Variants in GTF2H1 observed in about 807,000 individuals in gnomAD.
The protein encoded by GTF2H1 is BTF2 p62.
In GTF2H1, 16 loss-of-function variants were observed where a neutral mutation model predicts 71.2. That is an observed-to-expected ratio of 0.22 (90% CI 0.15 to 0.34). The LOEUF is 0.34. Among genes scored for constraint, GTF2H1 ranks in the 10% least tolerant of loss-of-function variants. GTF2H1 has a pLI of 1.00. For missense variants in GTF2H1, 498 were observed against 648.2 expected (o/e 0.77, Z 2.52); for synonymous variants, 215 against 219.0 (o/e 0.98, Z 0.16).
chr11:18,326,102 T>C (rs1055147330), intron 1 of GTF2H1: 1 of 152,200 alleles, frequency 6.6e-6, no homozygotes, highest in Non-Finnish European at 1.5e-5. Flanking sequence ...ACCAGGAAAA[T>C]TTACCAGGCA....
chr11:18,360,807 CTTT>C (rs370660216), intron 14 of GTF2H1, 100 bp downstream of exon 14: 1,515 of 508,728 alleles, frequency 3.0e-3, no homozygotes, highest in Middle Eastern at 3.6e-3. Flanking sequence ...ACTTAATTTT[CTTT>C]TTTTTTTTTT....
chr11:18,324,097 C>G (rs558964284), intron 1 of GTF2H1: 2 of 152,134 alleles, frequency 1.3e-5, no homozygotes, highest in African/African-American at 2.4e-5. Flanking sequence ...GTTGCCCAGG[C>G]TGGAGTGCAA....
intron 11 of GTF2H1, among the ~76,000 whole-genome samples, chr11:18,357,482 T>C (rs1208189913): frequency 6.6e-6 from 1 of 152,166 alleles, no homozygotes; most frequent in Non-Finnish European, 1.5e-5. Context: ...CTCAGGAGGC[T>C]GAGGGAGGAG....
intron 11 of GTF2H1, among the ~76,000 whole-genome samples, chr11:18,353,328 GCCTTTGTCT>G: frequency 6.6e-6 from 1 of 152,198 alleles, no homozygotes; most frequent in Non-Finnish European, 1.5e-5. Context: ...TAGTCTGAGT[GCCTTTGTCT>G]GGCCTGCAAA....
At chr11:18,354,586 C>T (rs892935218) in intron 11 of GTF2H1, among the ~76,000 whole-genome samples, 2 of 152,140 alleles carry the variant, frequency 1.3e-5, no homozygotes, top group African/African-American at 4.8e-5. Flanking sequence ...CATGTGTCAC[C>T]ACACAACAAA....
At chr11:18,355,300 G>T (rs1007540437) in intron 11 of GTF2H1, among the ~76,000 whole-genome samples, 2 of 151,224 alleles carry the variant, frequency 1.3e-5, no homozygotes, top group Non-Finnish European at 2.9e-5. Flanking sequence ...CCGCCACCAC[G>T]CCTGGCTAAT....
chr11:18,336,369 C>G (rs1014633870), intron 3 of GTF2H1, among the ~76,000 whole-genome samples: 2 of 152,042 alleles, frequency 1.3e-5, no homozygotes, highest in Non-Finnish European at 2.9e-5. Context: ...CGCCAGTGAT[C>G]CACCCACCTC....
At chr11:18,334,712 G>C (rs1864983851) in intron 2 of GTF2H1, among the ~76,000 whole-genome samples, 1 of 152,290 alleles carries the variant, frequency 6.6e-6, no homozygotes, top group African/African-American at 2.4e-5. Context: ...AATTGATTTA[G>C]TTCTTATCAT....
intron 9 of GTF2H1, chr11:18,348,252 AG>A (rs1393180121): frequency 2.5e-6 from 1 of 398,102 alleles, no homozygotes; most frequent in Non-Finnish European, 4.4e-6. Flanking sequence ...GCAATATGAC[AG>A]AAAAACCGAA....
intron 12 of GTF2H1, 43 bp downstream of exon 12, chr11:18,358,085 C>T (rs1865605494): frequency 7.6e-7 from 1 of 1,318,158 alleles, no homozygotes; most frequent in Admixed American, 1.8e-5. Context: ...CCTAAATCAG[C>T]TTTAAAAAGC....
intron 12 of GTF2H1, 69 bp from the exon 13 acceptor site, chr11:18,358,456 G>T (rs1047192855): frequency 6.1e-6 from 5 of 813,066 alleles, no homozygotes; most frequent in Non-Finnish European, 1.0e-5. Flanking sequence ...TTCTCTGAGT[G>T]GTCATTTTTT....
intron 7 of GTF2H1, among the ~76,000 whole-genome samples, chr11:18,343,285 A>G (rs894403515): frequency 6.6e-6 from 1 of 152,208 alleles, no homozygotes; most frequent in African/African-American, 2.4e-5. Flanking sequence ...CTTGCCTTAT[A>G]GGATTTCTAT....
intron 7 of GTF2H1, among the ~76,000 whole-genome samples, chr11:18,343,371 G>A (rs183878622): frequency 6.6e-6 from 1 of 152,198 alleles, no homozygotes; most frequent in Non-Finnish European, 1.5e-5. Context: ...TTAGATGCCT[G>A]CATAGTATTC....
intron 13 of GTF2H1, among the ~76,000 whole-genome samples, chr11:18,360,275 A>G (rs1865665009): frequency 2.6e-5 from 4 of 152,056 alleles, no homozygotes; most frequent in Admixed American, 2.6e-4. Context: ...GGCGTGTGCC[A>G]CCACGCCCAG....
intron 8 of GTF2H1, 47 bp from the exon 9 acceptor site, chr11:18,347,785 T>C: frequency 6.3e-7 from 1 of 1,594,732 alleles, no homozygotes; most frequent in Non-Finnish European, 8.6e-7. Context: ...TGGTGTTGTT[T>C]TGCTTGTGGT....
Position 18,335,962 on chromosome 11 carries a change from T to C in GTF2H1, c.347+16T>C. ...AGAAGAACAGGTGGGAGGAAAAGAA[T>C]AGCCTTTTGAAAGAGATACTGGGTT... On this transcript the variant is annotated intron_variant, in intron 3 of 14. Transcript: ENST00000265963. 1 of 1,599,706 alleles carries C rather than the reference T, an allele frequency of 6.3e-7. No individual in the cohort carries two copies. The highest frequency in any genetic ancestry group is 1.1e-5 in the South Asian group (1 of 90,416).
chr11:18,338,113 C>T lies in GTF2H1; in HGVS notation c.352C>T (p.Leu118=). The change falls in exon 4 of 15, where the codon CTG becomes TTG. Residue 118 remains leucine, a synonymous_variant. Coordinates refer to ENST00000265963, the MANE Select transcript of GTF2H1 (RefSeq NM_005316.4). ...TCAGTATATTCTGCTTTACAGAATGCTGCAAGAAGATCCTGTTTTGTTTCA... is the reference window on the plus strand; with the variant it reads ...TCAGTATATTCTGCTTTACAGAATGTTGCAAGAAGATCCTGTTTTGTTTCA... ...NKELEEKNRM[L]QEDPVLFQLY... The T allele has an allele frequency of 6.2e-7, 1 of 1,605,080 alleles. No homozygotes were observed. The highest frequency in any genetic ancestry group is 8.5e-7 in the Non-Finnish European group (1 of 1,171,856).
chr11:18,352,555 C>A, intron 11 of GTF2H1, 109 bp downstream of exon 11: 1 of 542,486 alleles, frequency 1.8e-6, no homozygotes, highest in Non-Finnish European at 3.3e-6. Context: ...GGCTTAAAGA[C>A]ATAGTTCTGC....
chr11:18,342,252 C>CTTTTTTTTTTTTTTTTTTT (rs71047585), intron 7 of GTF2H1, among the ~76,000 whole-genome samples: 1 of 72,720 alleles, frequency 1.4e-5, no homozygotes, highest in Non-Finnish European at 2.5e-5. Flanking sequence ...TTTTCTGTCT[C>CTTTTTTTTTTTTTTTTTTT]TTTTTTTTTT....
Sources: gnomAD v4.1 joint callset for allele counts (sites outside exome capture counted in the v4.1 genomes callset) on GRCh38, gnomAD v4.1.1 for gene constraint, MANE v1.5 for transcripts, NCBI Gene and HGNC (gene_info 2026-07-23, HGNC 2026-07-21) for gene names.